The following TENM4 variants were observed in gnomAD, a reference collection of about 807,000 sequenced individuals.
The protein encoded by TENM4 is teneurin-4.
Under a neutral mutation model 243.3 loss-of-function variants are expected in TENM4, and 82 were observed. The observed-to-expected ratio is 0.34, with a 90% CI of 0.28 to 0.40. The LOEUF (loss-of-function observed/expected upper bound fraction) is 0.40, where lower values mean the gene tolerates loss of function less well. TENM4 is among the 10% of genes least tolerant of loss of function. TENM4 has a pLI of 1.00. For synonymous variants in TENM4, 1,412 were observed against 1,456.3 expected (o/e 0.97, Z 0.69); for missense variants, 3,138 against 3,673.3 (o/e 0.85, Z 3.77).
intron 17 of TENM4, 96 bp downstream of exon 17, chr11:78,778,506 G>T: frequency 5.4e-6 from 7 of 1,292,644 alleles, no homozygotes; most frequent in Non-Finnish European, 7.6e-6. Context: ...TGCTTATGTG[G>T]TGTATATACA....
chr11:79,420,630 C>A (rs1858911462), intron 1 of TENM4, among the ~76,000 whole-genome samples: 2 of 152,116 alleles, frequency 1.3e-5, no homozygotes, highest in Middle Eastern at 3.2e-3. Flanking sequence ...AATACATTAA[C>A]CTCTCTAATT....
chr11:79,002,035 C>T (rs1858342695), intron 6 of TENM4, among the ~76,000 whole-genome samples: 1 of 152,112 alleles, frequency 6.6e-6, no homozygotes, highest in African/African-American at 2.4e-5. Flanking sequence ...CCCACCCCCA[C>T]CAGCACATGT....
At chr11:79,054,390 A>G (rs930630648) in intron 6 of TENM4, among the ~76,000 whole-genome samples, 5 of 152,144 alleles carry the variant, frequency 3.3e-5, no homozygotes, top group African/African-American at 1.2e-4. Context: ...ATACTAGGCC[A>G]ACAGTTTTTG....
chr11:79,017,872 C>T (rs1046072589), intron 6 of TENM4, among the ~76,000 whole-genome samples: 4 of 152,188 alleles, frequency 2.6e-5, no homozygotes, highest in Admixed American at 6.5e-5. Context: ...TAATGCTCTA[C>T]TGTCACTGTC....
intron 7 of TENM4, among the ~76,000 whole-genome samples, chr11:78,902,619 A>T (rs865856413): frequency 6.6e-6 from 1 of 152,182 alleles, no homozygotes; most frequent in Middle Eastern, 3.2e-3. Context: ...CCAAATGGGG[A>T]TTATCATCCT....
chr11:79,433,540 G>A (rs543569590), intron 1 of TENM4, among the ~76,000 whole-genome samples: 2 of 152,246 alleles, frequency 1.3e-5, no homozygotes, highest in South Asian at 2.1e-4. Flanking sequence ...ATCCCACAGC[G>A]AGAAAAATCG....
intron 1 of TENM4, among the ~76,000 whole-genome samples, chr11:79,307,734 T>A: frequency 6.6e-6 from 1 of 152,198 alleles, no homozygotes; most frequent in Admixed American, 6.5e-5. Flanking sequence ...GCTCTCTCTG[T>A]GTCTCAGCTG....
intron 6 of TENM4, among the ~76,000 whole-genome samples, chr11:79,014,376 G>A (rs914640687): frequency 1.3e-5 from 2 of 152,128 alleles, no homozygotes; most frequent in African/African-American, 2.4e-5. Flanking sequence ...AGAGGCCACC[G>A]GAACTTTGGA....
intron 1 of TENM4, among the ~76,000 whole-genome samples, chr11:79,425,689 C>A (rs1021749412): frequency 3.9e-5 from 6 of 152,200 alleles, no homozygotes; most frequent in African/African-American, 1.4e-4. Flanking sequence ...AATGGCCTAT[C>A]TATCTGAGGT....
At chr11:78,865,078 T>C (rs1344603709) in intron 9 of TENM4, among the ~76,000 whole-genome samples, 1 of 152,148 alleles carries the variant, frequency 6.6e-6, no homozygotes, top group African/African-American at 2.4e-5. Context: ...CCAGACTGAA[T>C]TTACAGAGGT....
intron 4 of TENM4, among the ~76,000 whole-genome samples, chr11:79,094,152 G>T (rs1047808053): frequency 2.6e-5 from 4 of 152,158 alleles, no homozygotes; most frequent in Non-Finnish European, 4.4e-5. Context: ...ACAGATCCCT[G>T]CCTAGAGAGC....
chr11:78,703,625 C>T (rs142458560), intron 27 of TENM4, among the ~76,000 whole-genome samples: 17 of 152,168 alleles, frequency 1.1e-4, no homozygotes, highest in Non-Finnish European at 1.2e-4. Context: ...ATCTATCACA[C>T]TAGGAGGTAT....
chr11:78,877,000 A>G (rs957936074), intron 9 of TENM4, among the ~76,000 whole-genome samples: 1 of 152,164 alleles, frequency 6.6e-6, no homozygotes, highest in Non-Finnish European at 1.5e-5. Context: ...TAATGCTCAA[A>G]ACACCACTTA....
chr11:79,132,502 G>T (rs1243123123), intron 4 of TENM4, among the ~76,000 whole-genome samples: 1 of 152,062 alleles, frequency 6.6e-6, no homozygotes, highest in Non-Finnish European at 1.5e-5. Context: ...GGACTTAATA[G>T]TTATATACAG....
chr11:78,858,685 C>T (rs994658857), intron 10 of TENM4, among the ~76,000 whole-genome samples: 1 of 152,140 alleles, frequency 6.6e-6, no homozygotes, highest in African/African-American at 2.4e-5. Context: ...ATAAAATATC[C>T]TCCACCATGA....
chr11:78,804,359 G>T (rs529817516), intron 15 of TENM4, among the ~76,000 whole-genome samples: 73 of 152,302 alleles, frequency 4.8e-4, no homozygotes, highest in African/African-American at 1.5e-3. Context: ...GATTAGAAGA[G>T]TGCCTGGTAT....
intron 3 of TENM4, among the ~76,000 whole-genome samples, chr11:79,175,342 T>TGG (rs1255814164): frequency 6.6e-6 from 1 of 152,190 alleles, no homozygotes; most frequent in Non-Finnish European, 1.5e-5. Flanking sequence ...CTAGTTGAAG[T>TGG]GGGGCAGGTT....
chr11:79,151,864 T>C (rs1263127309), intron 3 of TENM4, among the ~76,000 whole-genome samples: 1 of 152,140 alleles, frequency 6.6e-6, no homozygotes, highest in Non-Finnish European at 1.5e-5. Flanking sequence ...GCATGCTTTA[T>C]CTCCACCTCC....
intron 9 of TENM4, among the ~76,000 whole-genome samples, chr11:78,878,952 A>G (rs942113120): frequency 6.6e-6 from 1 of 152,270 alleles, no homozygotes; most frequent in Admixed American, 6.5e-5. Flanking sequence ...CTTGGCAAGA[A>G]TGAGAATTGT....
Sources: gnomAD v4.1 joint callset for allele counts (sites outside exome capture counted in the v4.1 genomes callset) on GRCh38, gnomAD v4.1.1 for gene constraint, MANE v1.5 for transcripts, NCBI Gene and HGNC (gene_info 2026-07-23, HGNC 2026-07-21) for gene names.